Variants in GRIK1 observed in about 807,000 individuals in gnomAD.
GRIK1 encodes the protein glutamate ionotropic receptor kainate type subunit 1.
In GRIK1, 69 loss-of-function variants were observed where a neutral mutation model predicts 105.7. The ratio of observed to expected loss-of-function variants is 0.65; its 90% CI spans 0.54 to 0.80. The LOEUF is 0.80. GRIK1 is among the 30% of genes least tolerant of loss of function. The pLI is 0.00. For synonymous variants in GRIK1, 438 were observed against 431.3 expected, an observed-to-expected ratio of 1.02 and a Z score of -0.19; for missense variants, 1,109 against 1,167.3, an observed-to-expected ratio of 0.95 and a Z score of 0.73.
intron 1 of GRIK1, among the ~76,000 whole-genome samples, chr21:29,819,172 A>G (rs541432542): frequency 6.6e-6 from 1 of 152,268 alleles, no homozygotes; most frequent in East Asian, 1.9e-4. Context: ...TCGACAAGAA[A>G]GCTATTTTCC....
Position 29,932,004 on chromosome 21 carries a change from A to T in GRIK1, c.118+7379T>A, listed in dbSNP as rs2071583638. On this transcript the variant is annotated intron_variant, in intron 1 of 17. Transcript: ENST00000327783. Reference sequence around the variant, plus strand: ...ACAATTAACCATTGGATTTTTGTTAAATGAAAACACACAGGCATAATTCTA... The same window carrying T: ...ACAATTAACCATTGGATTTTTGTTATATGAAAACACACAGGCATAATTCTA... 2.0e-5 allele frequency among the ~76,000 whole-genome samples: 3 copies of T among 152,298 alleles called. No homozygotes were observed. The South Asian group carries it at 6.2e-4, about 32-fold the overall frequency.
chr21:29,837,521 G>A (rs554503525), intron 1 of GRIK1, among the ~76,000 whole-genome samples: 1 of 152,176 alleles, frequency 6.6e-6, no homozygotes, highest in African/African-American at 2.4e-5. Flanking sequence ...AAGAATAGGA[G>A]GACTAGGCAA....
intron 3 of GRIK1, among the ~76,000 whole-genome samples, chr21:29,689,174 A>G (rs1001897025): frequency 1.3e-5 from 2 of 151,914 alleles, no homozygotes; most frequent in Non-Finnish European, 2.9e-5. Context: ...TGAGGACTGG[A>G]CTCCAAGCAG....
intron 4 of GRIK1, among the ~76,000 whole-genome samples, chr21:29,663,542 C>A (rs1348165228): frequency 6.6e-6 from 1 of 152,156 alleles, no homozygotes; most frequent in East Asian, 1.9e-4. Flanking sequence ...TTAGATACAG[C>A]TTTTCTTGTG....
intron 7 of GRIK1, among the ~76,000 whole-genome samples, chr21:29,618,288 G>A (rs1451690864): frequency 6.6e-6 from 1 of 152,132 alleles, no homozygotes; most frequent in African/African-American, 2.4e-5. Context: ...CTTCATGAAT[G>A]CAAATCCAAA....
At chr21:29,902,770 G>A (rs143317288) in intron 1 of GRIK1, among the ~76,000 whole-genome samples, 17 of 150,700 alleles carry the variant, frequency 1.1e-4, no homozygotes, top group African/African-American at 3.9e-4. Context: ...CACTGGAAAT[G>A]GAAAAAACTA....
intron 1 of GRIK1, among the ~76,000 whole-genome samples, chr21:29,724,047 C>G (rs185245977): frequency 3.0e-4 from 46 of 152,236 alleles, no homozygotes; most frequent in African/African-American, 1.1e-3. Context: ...ATGTTGTGCC[C>G]TCTTTTGGAG....
chr21:29,656,268 A>G (rs912006003), intron 4 of GRIK1, among the ~76,000 whole-genome samples: 1 of 145,104 alleles, frequency 6.9e-6, no homozygotes, highest in African/African-American at 2.5e-5. Context: ...AGGCTGAGGC[A>G]GGAGAACGGC....
At chr21:29,620,992 A>G (rs959735676) in intron 7 of GRIK1, among the ~76,000 whole-genome samples, 1 of 150,478 alleles carries the variant, frequency 6.6e-6, no homozygotes, top group African/African-American at 2.4e-5. Flanking sequence ...AAAAATATAT[A>G]TCTTATATTG....
At chr21:29,665,546 C>T (rs931272567) in intron 4 of GRIK1, among the ~76,000 whole-genome samples, 1 of 152,224 alleles carries the variant, frequency 6.6e-6, no homozygotes, top group Non-Finnish European at 1.5e-5. Flanking sequence ...ACTGGAGAAA[C>T]TTTAAGAAAG....
intron 16 of GRIK1, among the ~76,000 whole-genome samples, chr21:29,540,067 A>G (rs1193129039): frequency 6.6e-6 from 1 of 152,242 alleles, no homozygotes; most frequent in Admixed American, 6.5e-5. Flanking sequence ...TTACATTGAA[A>G]TCGCCCAAAT....
chr21:29,622,370 C>T (rs901889556), intron 7 of GRIK1, among the ~76,000 whole-genome samples: 3 of 152,186 alleles, frequency 2.0e-5, no homozygotes, highest in African/African-American at 4.8e-5. Context: ...GAGTACTCTA[C>T]GTTGGAAGAC....
At chr21:29,721,000 C>A (rs1202628126) in intron 1 of GRIK1, among the ~76,000 whole-genome samples, 1 of 152,140 alleles carries the variant, frequency 6.6e-6, no homozygotes, top group Non-Finnish European at 1.5e-5. Flanking sequence ...CACTCCCAGA[C>A]AGACTTTGTC....
intron 1 of GRIK1, among the ~76,000 whole-genome samples, chr21:29,936,747 A>T (rs1273629560): frequency 6.6e-6 from 1 of 152,246 alleles, no homozygotes; most frequent in East Asian, 1.9e-4. Flanking sequence ...TCAAATATTC[A>T]GTATGCATGA....
At chr21:29,702,539 C>T (rs1394403253) in intron 1 of GRIK1, among the ~76,000 whole-genome samples, 1 of 151,990 alleles carries the variant, frequency 6.6e-6, no homozygotes, top group African/African-American at 2.4e-5. Context: ...TGGCAAAATC[C>T]CATCTCTATT....
intron 1 of GRIK1, among the ~76,000 whole-genome samples, chr21:29,756,704 A>G (rs1007753207): frequency 1.3e-5 from 2 of 152,176 alleles, no homozygotes; most frequent in Non-Finnish European, 2.9e-5. Context: ...AAAAAACAAA[A>G]AAACAAAAAA....
At chr21:29,933,849 C>G (rs1489023057) in intron 1 of GRIK1, among the ~76,000 whole-genome samples, 2 of 152,150 alleles carry the variant, frequency 1.3e-5, no homozygotes, top group Non-Finnish European at 2.9e-5. Flanking sequence ...CTCCGTTACT[C>G]TTTCTTCTAG....
intron 7 of GRIK1, among the ~76,000 whole-genome samples, chr21:29,615,554 C>T (rs576473980): frequency 1.6e-4 from 25 of 152,298 alleles, no homozygotes; most frequent in Admixed American, 2.6e-4. Context: ...GGTGATCCAC[C>T]TGCTTTGGCC....
At chr21:29,588,450 A>G (rs1601193905) in intron 11 of GRIK1, among the ~76,000 whole-genome samples, 1 of 152,254 alleles carries the variant, frequency 6.6e-6, no homozygotes, top group East Asian at 1.9e-4. Flanking sequence ...TGATGATTTT[A>G]TAAGTGTCTA....
Sources: allele counts gnomAD v4.1 joint callset (sites outside exome capture counted in the v4.1 genomes callset), GRCh38; gene constraint gnomAD v4.1.1; transcripts MANE v1.5; gene names NCBI Gene and HGNC (gene_info 2026-07-23, HGNC 2026-07-21).